The following INTU variants were observed in gnomAD, a reference collection of about 807,000 sequenced individuals.
INTU encodes protein inturned.
A neutral mutation model predicts 100.5 loss-of-function variants in INTU; 68 were observed. That is an observed-to-expected ratio of 0.68 (90% CI 0.56 to 0.83). The LOEUF is 0.83. Among genes scored for constraint, INTU ranks in the 40% least tolerant of loss-of-function variants. The pLI is 0.00. For synonymous variants in INTU, 357 were observed against 395.7 expected (o/e 0.90, Z 1.16); for missense variants, 1,071 against 1,114.7 (o/e 0.96, Z 0.56).
chr4:127,693,872 T>C (rs922434928), intron 8 of INTU, among the ~76,000 whole-genome samples: 2 of 152,090 alleles, frequency 1.3e-5, no homozygotes, highest in Non-Finnish European at 2.9e-5. Flanking sequence ...TAGTGTATCA[T>C]TTATTGACTT....
chr4:127,693,371 G>A (rs774818340), intron 8 of INTU, among the ~76,000 whole-genome samples: 1 of 152,050 alleles, frequency 6.6e-6, no homozygotes, highest in African/African-American at 2.4e-5. Flanking sequence ...TTGATTCTCA[G>A]TTGGTAACTT....
intron 2 of INTU, among the ~76,000 whole-genome samples, chr4:127,654,494 C>T (rs530888841): frequency 1.3e-3 from 200 of 152,196 alleles, no homozygotes; most frequent in African/African-American, 4.6e-3. Context: ...CTTAGTTTGG[C>T]TGGATATGAA....
Position 127,725,950 on chromosome 4 carries a change from A to G in INTU, c.*9514A>G, listed in dbSNP as rs933251847. The G allele has an allele frequency of 6.6e-6, 1 of 152,224 alleles. No individual in the cohort carries two copies. The highest frequency in any genetic ancestry group is 2.1e-4 in the South Asian group (1 of 4,838). 9.4% of individuals were successfully genotyped at this position (152,224 alleles called of 1,614,324 possible). On this transcript the variant is annotated 3_prime_UTR_variant, in exon 16 of 16. Coordinates refer to ENST00000335251, the MANE Select transcript of INTU (RefSeq NM_015693.4). Reference sequence around the variant, plus strand: ...ATTAAATAAAGGGGGACAGGATGACAGTGCAGATATCCTAGAAATATGCTT... The same window carrying G: ...ATTAAATAAAGGGGGACAGGATGACGGTGCAGATATCCTAGAAATATGCTT...
intron 2 of INTU, among the ~76,000 whole-genome samples, chr4:127,646,075 TG>T (rs1727572192): frequency 1.3e-5 from 2 of 150,522 alleles, no homozygotes; most frequent in Non-Finnish European, 3.0e-5. Context: ...TCTCAGCTGC[TG>T]GGGAGGCTGG....
chr4:127,690,084 G>A (rs1424375384), intron 8 of INTU, among the ~76,000 whole-genome samples: 8 of 152,166 alleles, frequency 5.3e-5, no homozygotes, highest in Non-Finnish European at 1.0e-4. Context: ...TTTAGGGGCA[G>A]TGTGTTTAGA....
At chr4:127,712,594 A>G (rs1167640546) in intron 14 of INTU, among the ~76,000 whole-genome samples, 1 of 152,194 alleles carries the variant, frequency 6.6e-6, no homozygotes, top group East Asian at 1.9e-4. Context: ...AGAATTAGAA[A>G]ATAGTATGCT....
Position 127,656,686 on chromosome 4 carries a change from G to A in INTU, c.733G>A (p.Glu245Lys), listed in dbSNP as rs533032993. ...TGTCGATGTTACTACTGAAAACATCGAGAGAGTTCTGTCTTGCATTCCTGG... is the reference window on the plus strand; with the variant it reads ...TGTCGATGTTACTACTGAAAACATCAAGAGAGTTCTGTCTTGCATTCCTGG... ...NDVDVTTENI[E>K]RVLSCIPGPM... Residue 245 changes from glutamate to lysine, a missense_variant, in exon 3 of 16, where the codon GAG becomes AAG. Transcript: ENST00000335251. 14 of 1,610,810 alleles carry A rather than the reference G, an allele frequency of 8.7e-6. No individual in the cohort carries two copies. The highest frequency in any genetic ancestry group is 1.7e-4 in the Middle Eastern group (1 of 6,054).
intron 2 of INTU, among the ~76,000 whole-genome samples, chr4:127,646,704 G>A (rs1012016216): frequency 2.6e-5 from 4 of 151,304 alleles, no homozygotes; most frequent in Non-Finnish European, 5.9e-5. Context: ...TCATTTAACA[G>A]TTTTCACAAA....
intron 3 of INTU, among the ~76,000 whole-genome samples, chr4:127,661,785 G>A (rs554611299): frequency 3.7e-4 from 56 of 152,190 alleles, no homozygotes; most frequent in Middle Eastern, 6.8e-3. Context: ...TCAGATAAAG[G>A]AATTTGGGGT....
At chr4:127,656,573 T>A in intron 2 of INTU, 63 bp from the exon 3 acceptor site, 1 of 1,194,248 alleles carries the variant, frequency 8.4e-7, no homozygotes, top group Non-Finnish European at 1.2e-6. Flanking sequence ...AATGTTCCAA[T>A]TCTAGACCTC....
rs1297279546 is a variant in INTU at position 127,723,152 on chromosome 4, A to G, written c.*6716A>G. On this transcript the variant is annotated 3_prime_UTR_variant, in exon 16 of 16. Coordinates refer to ENST00000335251, the MANE Select transcript of INTU (RefSeq NM_015693.4). ...GGGAGGGGAAGCAAAATCCTTCACC[A>G]TCTCCCTTGGCTGGACGAGGGAGTT... is the stretch of plus-strand genomic sequence containing the variant. The G allele has an allele frequency of 6.6e-6, 1 of 152,200 alleles. No homozygotes were observed. The highest frequency in any genetic ancestry group is 2.4e-5 in the African/African-American group (1 of 41,416). The allele number at this position is 152,200 out of a possible 1,614,324, so 9.4% of individuals were successfully genotyped here. A position where few individuals can be genotyped will look rare whatever the true frequency, so the allele number is the denominator to read the frequency against.
chr4:127,656,130 C>A (rs909997479), intron 2 of INTU, among the ~76,000 whole-genome samples: 1 of 152,166 alleles, frequency 6.6e-6, no homozygotes, highest in Non-Finnish European at 1.5e-5. Context: ...TCTGGTACTC[C>A]CTAGTGAGAT....
chr4:127,643,897 G>A lies in INTU; in HGVS notation c.523G>A (p.Ala175Thr). ...VNPKKLTVIK[A>T]KEQLKLLEVL... is the part of the protein sequence containing the mutation. ...CCCCAAAAAGCTAACTGTTATCAAA[G>A]CCAAAGAGCAGCTCAAGCTTCTGGA... is the stretch of plus-strand genomic sequence containing the variant. Residue 175 changes from alanine (A) to threonine (T), a missense_variant, in exon 2 of 16, where the codon GCC (alanine) becomes ACC (threonine). Coordinates refer to ENST00000335251, the MANE Select transcript of INTU (RefSeq NM_015693.4). 6.2e-7 allele frequency: 1 copy of A among 1,614,128 alleles called. No homozygotes were observed. The highest frequency in any genetic ancestry group is 8.5e-7 in the Non-Finnish European group (1 of 1,180,022).
intron 8 of INTU, chr4:127,699,381 G>T (rs1015996116): frequency 2.0e-5 from 3 of 152,126 alleles, no homozygotes; most frequent in Admixed American, 1.3e-4. Flanking sequence ...CTAAGTAAGA[G>T]ATTTTTTTTT....
intron 15 of INTU, among the ~76,000 whole-genome samples, chr4:127,715,886 C>T (rs1731247899): frequency 6.6e-6 from 1 of 151,972 alleles, no homozygotes; most frequent in Non-Finnish European, 1.5e-5. Context: ...TTAAGAAAAC[C>T]AAACAAAATT....
chr4:127,689,798 T>A lies in INTU; in HGVS notation c.1449+1931T>A, dbSNP rs191084082. ...AAGGGAAGGATATAAGTGTTCGATA[T>A]AGATAGAAACATAGAAAGTAACTAG... is the stretch of plus-strand genomic sequence containing the variant. On this transcript the variant is annotated intron_variant, in intron 8 of 15. Transcript: ENST00000335251. Among the ~76,000 whole-genome samples, 7 of 152,180 alleles carry A rather than the reference T, an allele frequency of 4.6e-5. No individual in the cohort carries two copies. In the East Asian group the frequency reaches 1.3e-3, roughly 29 times the overall value.
At chr4:127,711,188 T>C (rs1441335856) in intron 14 of INTU, 86 bp downstream of exon 14, 2 of 1,033,018 alleles carry the variant, frequency 1.9e-6, no homozygotes, top group East Asian at 5.2e-5. Context: ...ATGCCCAGCA[T>C]TGTTTTCATT....
rs1483721192 is a variant in INTU, at chr4:127,725,653, A to G, written c.*9217A>G. 6.6e-6 allele frequency: 1 copy of G among 152,230 alleles called. No homozygotes were observed. Among genetic ancestry groups the G allele is most frequent in the Non-Finnish European group, 1.5e-5 (1 of 68,036 alleles). 9.4% of individuals were successfully genotyped at this position (152,230 alleles called of 1,614,324 possible). ...CCTGGTGTCAGAGAAACATGAGACC[A>G]TCGCTCAATAATGGAAATAAAAAGG... On this transcript the variant is annotated 3_prime_UTR_variant, in exon 16 of 16. Transcript: ENST00000335251.
chr4:127,656,519 AC>A, intron 2 of INTU, 116 bp from the exon 3 acceptor site: 1 of 674,046 alleles, frequency 1.5e-6, no homozygotes, highest in Non-Finnish European at 2.6e-6. Context: ...GCTTGTCTGC[AC>A]CAGATTTCTC....
Sources: allele counts gnomAD v4.1 joint callset (sites outside exome capture counted in the v4.1 genomes callset), GRCh38; gene constraint gnomAD v4.1.1; transcripts MANE v1.5; gene names NCBI Gene and HGNC (gene_info 2026-07-23, HGNC 2026-07-21).